The following RAD54L2 variants were observed in gnomAD, a reference collection of about 807,000 sequenced individuals.
The protein encoded by RAD54L2 is helicase ARIP4.
A neutral mutation model predicts 138.4 loss-of-function variants in RAD54L2; 27 were observed. The ratio of observed to expected loss-of-function variants is 0.20; its 90% CI spans 0.14 to 0.27. RAD54L2 has a LOEUF of 0.27. RAD54L2 is among the 10% of genes least tolerant of loss of function. The pLI is 1.00. For missense variants in RAD54L2, 1,396 were observed against 1,890.2 expected (o/e 0.74, Z 4.85); for synonymous variants, 644 against 723.2 (o/e 0.89, Z 1.76).
chr3:51,597,177 A>C (rs530828536), intron 3 of RAD54L2, among the ~76,000 whole-genome samples: 97 of 151,258 alleles, frequency 6.4e-4, no homozygotes, highest in Non-Finnish European at 1.2e-3. Flanking sequence ...AAAAAAAAAA[A>C]AAAAAAAAAA....
At chr3:51,551,365 T>G (rs1698832929) in intron 2 of RAD54L2, among the ~76,000 whole-genome samples, 2 of 152,168 alleles carry the variant, frequency 1.3e-5, no homozygotes, top group African/African-American at 4.8e-5. Context: ...ACTCCTGGGC[T>G]CAAGTGATCT....
chr3:51,590,515 C>A lies in RAD54L2; in HGVS notation c.95C>A (p.Ala32Glu), dbSNP rs972427089. 1 of 1,552,230 alleles carries A rather than the reference C, an allele frequency of 6.4e-7. No homozygotes were observed. The highest frequency in any genetic ancestry group is 8.7e-7 in the Non-Finnish European group (1 of 1,147,100). ...AEEEEEEEEVAVEECDRDDEE... is the reference protein window; with the variant it reads ...AEEEEEEEEVEVEECDRDDEE... Reference sequence around the variant, plus strand: ...GAGGAGGAGGAGGAGGAGGAGGTGGCAGTGGAGGAGTGTGACAGGGATGAT... The same window carrying A: ...GAGGAGGAGGAGGAGGAGGAGGTGGAAGTGGAGGAGTGTGACAGGGATGAT... Residue 32 changes from alanine (A) to glutamate (E), a missense_variant, in exon 3 of 23, where the codon GCA (alanine) becomes GAA (glutamate). Physicochemically the swap from Ala to Glu is moderately radical, Grantham distance 107. Coordinates refer to ENST00000684192, the MANE Select transcript of RAD54L2 (RefSeq NM_015106.4).
At chr3:51,649,809 C>T (rs1045057831) in intron 19 of RAD54L2, among the ~76,000 whole-genome samples, 18 of 152,136 alleles carry the variant, frequency 1.2e-4, no homozygotes, top group South Asian at 2.1e-4. Flanking sequence ...AAGGAACAAC[C>T]GGTACCAGCC....
chr3:51,602,534 G>A (rs1700101317), intron 3 of RAD54L2, among the ~76,000 whole-genome samples: 1 of 152,202 alleles, frequency 6.6e-6, no homozygotes, highest in Admixed American at 6.5e-5. Context: ...GTAGTTAAGA[G>A]TCGGCTTGGA....
intron 20 of RAD54L2, 130 bp from the exon 21 acceptor site, chr3:51,657,450 G>C (rs1429471346): frequency 5.5e-6 from 3 of 548,760 alleles, no homozygotes; most frequent in African/African-American, 1.9e-5. Flanking sequence ...CTTGGTTCTG[G>C]ACCTCTGCCC....
At chr3:51,571,823 G>T (rs181480064) in intron 2 of RAD54L2, among the ~76,000 whole-genome samples, 255 of 150,962 alleles carry the variant, frequency 1.7e-3, no homozygotes, top group Middle Eastern at 0.01. Flanking sequence ...AGAAATAGGG[G>T]TTTTTTTTTA....
At chr3:51,607,621 TAC>T (rs777907348) in intron 3 of RAD54L2, among the ~76,000 whole-genome samples, 6 of 152,196 alleles carry the variant, frequency 3.9e-5, no homozygotes, top group Non-Finnish European at 8.8e-5. Flanking sequence ...AGCTGTTGGG[TAC>T]ACCTCCCAGA....
At chr3:51,613,443 C>G (rs1440431197) in intron 3 of RAD54L2, among the ~76,000 whole-genome samples, 1 of 152,128 alleles carries the variant, frequency 6.6e-6, no homozygotes, top group African/African-American at 2.4e-5. Flanking sequence ...TTAATTCTGT[C>G]TTCAATACAG....
chr3:51,658,041 C>T (rs1330128862), intron 21 of RAD54L2, among the ~76,000 whole-genome samples: 1 of 149,768 alleles, frequency 6.7e-6, no homozygotes, highest in Non-Finnish European at 1.5e-5. Flanking sequence ...TCTTCAGCCT[C>T]AGCCTCCCAA....
chr3:51,544,659 A>G (rs782512924), intron 2 of RAD54L2, among the ~76,000 whole-genome samples: 83 of 152,158 alleles, frequency 5.5e-4, no homozygotes, highest in Admixed American at 1.3e-4. Context: ...GCTGGAGTGC[A>G]ATGGCACGAT....
At position 51,639,976 on chromosome 3, in the gene RAD54L2, T is replaced by G; in HGVS notation, c.2208T>G (p.Leu736=). The G allele has an allele frequency of 6.2e-7, 1 of 1,607,714 alleles. No individual in the cohort carries two copies. Residue 736 remains leucine, a synonymous_variant, in exon 14 of 23, where the codon CTT becomes CTG. Coordinates refer to ENST00000684192, the MANE Select transcript of RAD54L2 (RefSeq NM_015106.4). Reference sequence around the variant, plus strand: ...ACCTGATTGAGGAAAGTGTGAAGCTTGGGGACAAGATCCTTGTGTTTAGGT... The same window carrying G: ...ACCTGATTGAGGAAAGTGTGAAGCTGGGGGACAAGATCCTTGTGTTTAGGT... ...LFHLIEESVK[L]GDKILVFSQS...
intron 3 of RAD54L2, among the ~76,000 whole-genome samples, chr3:51,606,057 C>T (rs757917219): frequency 6.6e-6 from 1 of 152,116 alleles, no homozygotes; most frequent in East Asian, 1.9e-4. Context: ...GAGAGCACTG[C>T]GATTTTGAGG....
intron 19 of RAD54L2, among the ~76,000 whole-genome samples, chr3:51,649,937 A>G (rs1213345099): frequency 1.3e-5 from 2 of 152,246 alleles, no homozygotes; most frequent in African/African-American, 2.4e-5. Context: ...ACATAACAAT[A>G]TTAACTTTAA....
chr3:51,552,108 C>T (rs1174912639), intron 2 of RAD54L2, among the ~76,000 whole-genome samples: 1 of 152,056 alleles, frequency 6.6e-6, no homozygotes, highest in African/African-American at 2.4e-5. Flanking sequence ...AGAAATTCTA[C>T]TTATAGAAAT....
intron 19 of RAD54L2, among the ~76,000 whole-genome samples, chr3:51,647,230 T>A (rs1327359335): frequency 6.6e-6 from 1 of 152,144 alleles, no homozygotes; most frequent in African/African-American, 2.4e-5. Flanking sequence ...TGTGACAGGG[T>A]GTCACTCTGT....
intron 2 of RAD54L2, among the ~76,000 whole-genome samples, chr3:51,546,562 C>T (rs1698700251): frequency 6.6e-6 from 1 of 150,808 alleles, no homozygotes; most frequent in South Asian, 2.1e-4. Context: ...ACCACTTGAA[C>T]CTGGGAGGCG....
At position 51,662,325 on chromosome 3, in the gene RAD54L2, TG is replaced by T; in HGVS notation, c.3410-97del. Reference sequence around the variant, plus strand: ...TTCAGACATCAAACTATTAGAATTTTGGGGACTACAGGACAGGATTTTTTTT... The same window carrying T: ...TTCAGACATCAAACTATTAGAATTTTGGGACTACAGGACAGGATTTTTTTT... On this transcript the variant is annotated intron_variant, in intron 22 of 22. Coordinates refer to ENST00000684192, the MANE Select transcript of RAD54L2 (RefSeq NM_015106.4). The surrounding 1 kb of genome is among the most constrained non-coding windows in gnomAD (Gnocchi z 4.6). 9.1e-7 allele frequency: 1 copy of T among 1,093,764 alleles called. No individual in the cohort carries two copies. The highest frequency in any genetic ancestry group is 1.3e-6 in the Non-Finnish European group (1 of 793,326). The allele number at this position is 1,093,764 out of a possible 1,614,324, so 67.8% of individuals were successfully genotyped here.
At chr3:51,623,329 C>T (rs868555794) in intron 3 of RAD54L2, among the ~76,000 whole-genome samples, 71 of 152,194 alleles carry the variant, frequency 4.7e-4, no homozygotes, top group Non-Finnish European at 1.0e-4. Context: ...GATTTGAATT[C>T]TCTACACAAA....
At chr3:51,622,488 C>T (rs998854722) in intron 3 of RAD54L2, among the ~76,000 whole-genome samples, 4 of 152,094 alleles carry the variant, frequency 2.6e-5, no homozygotes, top group Non-Finnish European at 5.9e-5. Flanking sequence ...CCTTTCTTGA[C>T]CATTTCTCCT....
Sources: gnomAD v4.1 joint callset for allele counts (sites outside exome capture counted in the v4.1 genomes callset) on GRCh38, gnomAD v4.1.1 for gene constraint, Gnocchi (gnomAD v3.1) non-coding constraint, MANE v1.5 for transcripts, NCBI Gene and HGNC (gene_info 2026-07-23, HGNC 2026-07-21) for gene names.